The following HOMER2 variants were observed in gnomAD, a reference collection of about 807,000 sequenced individuals.
The protein encoded by HOMER2 is homer scaffold protein 2.
HOMER2 carries 27 observed loss-of-function variants against 47.0 expected under a neutral mutation model. The ratio of observed to expected loss-of-function variants is 0.57; its 90% CI spans 0.42 to 0.79. The LOEUF (loss-of-function observed/expected upper bound fraction) is 0.79. HOMER2 is among the 30% of genes least tolerant of loss of function. HOMER2 has a pLI of 0.00. For missense variants in HOMER2, 443 were observed against 435.0 expected, an observed-to-expected ratio of 1.02 and a Z score of -0.16; for synonymous variants, 161 against 163.8, an observed-to-expected ratio of 0.98 and a Z score of 0.13.
intron 2 of HOMER2, among the ~76,000 whole-genome samples, chr15:82,881,299 G>C (rs888527643): frequency 6.6e-6 from 1 of 152,202 alleles, no homozygotes; most frequent in African/African-American, 2.4e-5. Context: ...AGTCTCACCT[G>C]CTCTGGATTT....
At chr15:82,947,683 T>C (rs1490227437) in intron 1 of HOMER2, among the ~76,000 whole-genome samples, 1 of 152,218 alleles carries the variant, frequency 6.6e-6, no homozygotes, top group African/African-American at 2.4e-5. Context: ...CTTTCTCTCT[T>C]GGCCCTTGCA....
intron 1 of HOMER2, among the ~76,000 whole-genome samples, chr15:82,945,157 AT>A (rs1234422158): frequency 6.7e-6 from 1 of 149,990 alleles, no homozygotes; most frequent in Non-Finnish European, 1.5e-5. Flanking sequence ...CTCCTCTACC[AT>A]TTCTTTCCTT....
chr15:82,843,762 TCA>T (rs1173301028), exon 2 of HOMER2: 3 of 151,996 alleles, frequency 2.0e-5, no homozygotes, highest in African/African-American at 7.2e-5. Context: ...CAGTACACAC[TCA>T]CACACTGTGG....
chr15:82,854,731 T>G lies in HOMER2; in HGVS notation c.564A>C (p.Thr188=). Residue 188 remains threonine, a synonymous_variant, in exon 6 of 9, where the codon ACA becomes ACC. Transcript: ENST00000450735. Reference sequence around the variant, plus strand: ...CACTGGCTGCCGACTCCTGCAGTGCTGTGGTCAGCCGTGCATTGCTCTCCC... The same window carrying G: ...CACTGGCTGCCGACTCCTGCAGTGCGGTGGTCAGCCGTGCATTGCTCTCCC... The part of the protein sequence containing the change: ...TLRESNARLT[T]ALQESAASVE... 1 of 1,612,778 alleles carries G rather than the reference T, an allele frequency of 6.2e-7. No homozygotes were observed. Among genetic ancestry groups the G allele is most frequent in the Non-Finnish European group, 8.5e-7 (1 of 1,179,880 alleles).
rs573919657 is a variant in HOMER2, at chr15:82,899,322, G to A, written c.6-6481C>T. ...TGTGAAGTCTGATTTGTGCTCTGAA[G>A]ACACAGGCCCTTGACTGGTCACCCA... On this transcript the variant is annotated intron_variant, in intron 1 of 8. Coordinates refer to ENST00000450735, the MANE Select transcript of HOMER2 (RefSeq NM_004839.4). Among the ~76,000 whole-genome samples the A allele has an allele frequency of 1.3e-3, 195 of 152,296 alleles. 1 individual carries two copies. The highest frequency in any genetic ancestry group is 1.3e-3 in the African/African-American group (55 of 41,572).
intron 1 of HOMER2, chr15:82,952,049 A>G (rs1276979841): frequency 2.8e-5 from 28 of 984,308 alleles, no homozygotes; most frequent in Non-Finnish European, 3.4e-5. Flanking sequence ...CAGCATCTCA[A>G]AGCAGATCCA....
intron 1 of HOMER2, among the ~76,000 whole-genome samples, chr15:82,966,960 T>TA (rs1375145177): frequency 1.3e-5 from 2 of 152,172 alleles, no homozygotes; most frequent in Admixed American, 6.5e-5. Flanking sequence ...AAGTCAACTC[T>TA]AAAAAGGATG....
At chr15:82,907,679 G>T (rs1422605543) in intron 1 of HOMER2, among the ~76,000 whole-genome samples, 1 of 152,146 alleles carries the variant, frequency 6.6e-6, no homozygotes, top group Non-Finnish European at 1.5e-5. Context: ...TAGATTGCAT[G>T]TTCTTTTTCA....
intron 6 of HOMER2, among the ~76,000 whole-genome samples, chr15:82,854,315 G>A (rs563794877): frequency 2.0e-5 from 3 of 152,288 alleles, no homozygotes; most frequent in East Asian, 1.9e-4. Context: ...TGAGGCAAGA[G>A]AATCACTTGA....
intron 3 of HOMER2, among the ~76,000 whole-genome samples, chr15:82,874,943 GCA>G (rs1294595448): frequency 1.3e-5 from 2 of 152,172 alleles, no homozygotes; most frequent in Non-Finnish European, 2.9e-5. Context: ...TCTGGTTTTG[GCA>G]CACAAGCCAG....
intron 5 of HOMER2, 79 bp from the exon 6 acceptor site, chr15:82,854,879 G>A (rs533509900): frequency 5.9e-5 from 89 of 1,517,666 alleles, no homozygotes; most frequent in South Asian, 5.4e-4. Context: ...AGGGGACTCC[G>A]CCATCCCTCA....
chr15:82,924,269 T>C (rs1176608783), intron 1 of HOMER2, among the ~76,000 whole-genome samples: 1 of 152,114 alleles, frequency 6.6e-6, no homozygotes, highest in Non-Finnish European at 1.5e-5. Flanking sequence ...CTAGAGTTTA[T>C]TCTCCCTTTG....
In HOMER2 at chr15:82,854,551, A is replaced by G. The variant is rs893706609; in HGVS notation, c.651+93T>C. On this transcript the variant is annotated intron_variant, in intron 6 of 8. Coordinates refer to ENST00000450735, the MANE Select transcript of HOMER2 (RefSeq NM_004839.4). ...TCCTCTGGCCATGGGGATAAGGGCA[A>G]AGTTGGGGAGGGAGAAAAAGGGTTG... 8.4e-5 allele frequency: 115 copies of G among 1,374,464 alleles called. 1 individual carries two copies. The African/African-American group carries it at 1.5e-3, about 18-fold the overall frequency. 85.1% of individuals were successfully genotyped at this position (1,374,464 alleles called of 1,614,324 possible). A position where few individuals can be genotyped will look rare whatever the true frequency, so the allele number is the denominator to read the frequency against.
exon 2 of HOMER2, chr15:82,837,430 T>C (rs1332082275): frequency 6.6e-6 from 1 of 152,210 alleles, no homozygotes; most frequent in African/African-American, 2.4e-5. Context: ...CCAGGTTTTT[T>C]TGGGATGGGC....
chr15:82,958,892 C>A, exon 2 of HOMER2: 1 of 152,740 alleles, frequency 6.5e-6, no homozygotes, highest in Non-Finnish European at 1.5e-5. Flanking sequence ...AGATGAATAG[C>A]CCAGCCAGCT....
intron 2 of HOMER2, among the ~76,000 whole-genome samples, chr15:82,881,026 G>A (rs138674930): frequency 7.9e-5 from 12 of 152,302 alleles, no homozygotes; most frequent in African/African-American, 1.7e-4. Flanking sequence ...AGGGGAGAAC[G>A]GACCTGGGGG....
chr15:82,863,577 C>T (rs1396404980), intron 4 of HOMER2, among the ~76,000 whole-genome samples: 1 of 152,102 alleles, frequency 6.6e-6, no homozygotes, highest in Non-Finnish European at 1.5e-5. Context: ...TACATATAAC[C>T]CTGTCACTAG....
chr15:82,929,653 CAAAAAAAAA>C (rs373315567), intron 1 of HOMER2, among the ~76,000 whole-genome samples: 6 of 91,004 alleles, frequency 6.6e-5, no homozygotes, highest in African/African-American at 2.4e-4. Flanking sequence ...GTGAGACTAT[CAAAAAAAAA>C]AAAAAAAAAA....
At chr15:82,894,479 G>A (rs1294274343) in intron 1 of HOMER2, among the ~76,000 whole-genome samples, 1 of 151,998 alleles carries the variant, frequency 6.6e-6, no homozygotes, top group Non-Finnish European at 1.5e-5. Context: ...AGACCATCCT[G>A]GCTAACACGG....
Sources: gnomAD v4.1 joint callset for allele counts (sites outside exome capture counted in the v4.1 genomes callset) on GRCh38, gnomAD v4.1.1 for gene constraint, MANE v1.5 for transcripts, NCBI Gene and HGNC (gene_info 2026-07-23, HGNC 2026-07-21) for gene names.